The following NARS2 variants were observed in gnomAD, a reference collection of about 807,000 sequenced individuals.
NARS2 encodes the protein asparaginyl-tRNA synthetase 2, mitochondrial.
A neutral mutation model predicts 62.9 loss-of-function variants in NARS2; 60 were observed. That is an observed-to-expected ratio of 0.95 (90% confidence interval 0.77 to 1.18). The LOEUF is 1.18. Ranked by LOEUF, NARS2 falls within the 50% of genes most tolerant of loss-of-function variation. The probability of loss-of-function intolerance (pLI) is 0.00; values close to 1 mark genes in which losing one functional copy is unlikely to be tolerated. For synonymous variants in NARS2, 196 were observed against 200.0 expected (o/e 0.98, Z 0.17); for missense variants, 619 against 576.4 (o/e 1.07, Z -0.76).
intron 13 of NARS2, among the ~76,000 whole-genome samples, chr11:78,438,078 C>T (rs942306754): frequency 6.6e-6 from 1 of 151,058 alleles, no homozygotes; most frequent in South Asian, 2.1e-4. Context: ...ACGTAAGCAA[C>T]ATAACTTGTA....
chr11:78,489,810 T>C (rs921515426), intron 7 of NARS2, among the ~76,000 whole-genome samples: 2 of 152,260 alleles, frequency 1.3e-5, no homozygotes, highest in East Asian at 3.9e-4. Context: ...CCCAACACTT[T>C]AGGAGGCTGA....
At chr11:78,524,740 C>T (rs1374392825) in intron 6 of NARS2, among the ~76,000 whole-genome samples, 1 of 151,690 alleles carries the variant, frequency 6.6e-6, no homozygotes, top group Non-Finnish European at 1.5e-5. Flanking sequence ...CTCTCAGTAA[C>T]AGCAAACATA....
At chr11:78,486,988 G>A (rs1591191571) in intron 7 of NARS2, among the ~76,000 whole-genome samples, 1 of 152,254 alleles carries the variant, frequency 6.6e-6, no homozygotes, top group Non-Finnish European at 1.5e-5. Flanking sequence ...TTATCATAAT[G>A]AAGACAAAAG....
chr11:78,568,765 AAAACAAGAT>A lies in NARS2; in HGVS notation c.252-22_252-14del. ...AAAATTTAATTCTCTATAGTAACAA[AAAACAAGAT>A]AAACAAGATATCATTATATACAACC... is the stretch of plus-strand genomic sequence containing the variant. On this transcript the variant is annotated splice_polypyrimidine_tract_variant and intron_variant, in intron 2 of 13. Coordinates refer to ENST00000281038, the MANE Select transcript of NARS2 (RefSeq NM_024678.6). 1.3e-6 allele frequency: 2 copies of A among 1,570,844 alleles called. No homozygotes were observed. The highest frequency in any genetic ancestry group is 1.7e-6 in the Non-Finnish European group (2 of 1,150,478).
At chr11:78,536,840 C>A (rs532749988) in intron 5 of NARS2, among the ~76,000 whole-genome samples, 1 of 152,308 alleles carries the variant, frequency 6.6e-6, no homozygotes, top group Non-Finnish European at 1.5e-5. Flanking sequence ...TCATCCAGAG[C>A]AGCTTCCAGT....
chr11:78,549,718 A>C (rs539080681), intron 5 of NARS2, among the ~76,000 whole-genome samples: 3 of 152,104 alleles, frequency 2.0e-5, no homozygotes, highest in Non-Finnish European at 4.4e-5. Context: ...CAAGTAATGG[A>C]GCTTAAGAGG....
At chr11:78,439,591 C>CA (rs1857513437) in intron 13 of NARS2, among the ~76,000 whole-genome samples, 1 of 151,790 alleles carries the variant, frequency 6.6e-6, no homozygotes, top group Non-Finnish European at 1.5e-5. Context: ...ATTTTATAGC[C>CA]AAAAAAACAA....
At chr11:78,443,540 T>TGAGATCCAGTTCTGTCAGGCGCC (rs1484325251) in intron 12 of NARS2, 121 bp downstream of exon 12, 6 of 548,124 alleles carry the variant, frequency 1.1e-5, no homozygotes, top group Non-Finnish European at 2.0e-5. Context: ...ATAGAGAATC[T>TGAGATCCAGTTCTGTCAGGCGCC]GAGATCCAGT....
chr11:78,547,895 G>C (rs1335181240), intron 5 of NARS2, among the ~76,000 whole-genome samples: 8 of 151,468 alleles, frequency 5.3e-5, no homozygotes, highest in Admixed American at 1.3e-4. Context: ...TGGTAAGTAA[G>C]AAATCATTGA....
intron 5 of NARS2, among the ~76,000 whole-genome samples, chr11:78,547,537 A>C (rs1318430076): frequency 1.3e-5 from 2 of 152,154 alleles, no homozygotes; most frequent in African/African-American, 4.8e-5. Flanking sequence ...ACGTGAACAA[A>C]ATGAACAAAG....
At chr11:78,570,829 A>C (rs1166844073) in intron 2 of NARS2, among the ~76,000 whole-genome samples, 1 of 152,210 alleles carries the variant, frequency 6.6e-6, no homozygotes, top group African/African-American at 2.4e-5. Context: ...GGAAATTAAG[A>C]GTCTAGCAGG....
At chr11:78,475,985 T>C (rs777736134) in intron 9 of NARS2, among the ~76,000 whole-genome samples, 1 of 152,232 alleles carries the variant, frequency 6.6e-6, no homozygotes, top group Non-Finnish European at 1.5e-5. Context: ...TTAGTGATGT[T>C]GGACACTTTT....
At chr11:78,519,526 T>C (rs1861033469) in intron 6 of NARS2, among the ~76,000 whole-genome samples, 1 of 152,176 alleles carries the variant, frequency 6.6e-6, no homozygotes, top group Non-Finnish European at 1.5e-5. Context: ...ATGTATACAG[T>C]TAAAAAACCA....
chr11:78,553,743 G>T (rs1464379802), intron 5 of NARS2, among the ~76,000 whole-genome samples: 3 of 152,190 alleles, frequency 2.0e-5, no homozygotes, highest in Non-Finnish European at 4.4e-5. Context: ...CTATGCAGAA[G>T]CTCTTAAGTT....
At chr11:78,512,010 A>T (rs1860739720) in intron 6 of NARS2, among the ~76,000 whole-genome samples, 1 of 152,224 alleles carries the variant, frequency 6.6e-6, no homozygotes, top group African/African-American at 2.4e-5. Context: ...GGAACCCCAG[A>T]AGGGGCACAA....
intron 9 of NARS2, among the ~76,000 whole-genome samples, chr11:78,471,501 A>G (rs925489399): frequency 3.9e-5 from 6 of 151,910 alleles, no homozygotes; most frequent in African/African-American, 1.2e-4. Context: ...GCACTTGTAA[A>G]ATAAGGAGAT....
chr11:78,524,976 T>C lies in NARS2; in HGVS notation c.689+3866A>G, dbSNP rs572097018. On this transcript the variant is annotated intron_variant, in intron 6 of 13. Coordinates refer to ENST00000281038, the MANE Select transcript of NARS2 (RefSeq NM_024678.6). ...TTATTTAGCACTACAACAAATGAGC[T>C]ATCCAGCCATGAAAAGTCCTGGAGG... is the stretch of plus-strand genomic sequence containing the variant. Among the ~76,000 whole-genome samples, 5 of 152,218 alleles carry C rather than the reference T, an allele frequency of 3.3e-5. No individual in the cohort carries two copies. In the East Asian group the frequency reaches 5.8e-4, roughly 18 times the overall value.
chr11:78,492,968 T>C (rs1299741400), intron 7 of NARS2, 95 bp downstream of exon 7: 2 of 1,099,906 alleles, frequency 1.8e-6, no homozygotes, highest in Non-Finnish European at 2.6e-6. Context: ...TTTCACTTTA[T>C]GAATACCTGT....
intron 7 of NARS2, among the ~76,000 whole-genome samples, chr11:78,479,783 G>GA (rs1859269137): frequency 6.6e-6 from 1 of 152,220 alleles, no homozygotes; most frequent in Non-Finnish European, 1.5e-5. Context: ...CTTGAGGCTG[G>GA]AAGCATAGTG....
Sources: allele counts gnomAD v4.1 joint callset (sites outside exome capture counted in the v4.1 genomes callset), GRCh38; gene constraint gnomAD v4.1.1; transcripts MANE v1.5; gene names NCBI Gene and HGNC (gene_info 2026-07-23, HGNC 2026-07-21).